OSBPL1A: variants seen among roughly 807,000 people sequenced by gnomAD.
The protein encoded by OSBPL1A is oxysterol-binding protein-related protein 1.
In OSBPL1A, 80 loss-of-function variants were observed where a neutral mutation model predicts 137.1. The observed-to-expected ratio is 0.58, with a 90% CI of 0.49 to 0.70. The LOEUF (loss-of-function observed/expected upper bound fraction) is 0.70. OSBPL1A is among the 30% of genes least tolerant of loss of function. The pLI is 0.00. For synonymous variants in OSBPL1A, 365 were observed against 389.7 expected (o/e 0.94, Z 0.75); for missense variants, 970 against 1,129.4 (o/e 0.86, Z 2.02).
chr18:24,225,018 G>A (rs763858945), intron 17 of OSBPL1A, 24 bp downstream of exon 17: 1 of 1,613,048 alleles, frequency 6.2e-7, no homozygotes, highest in African/African-American at 1.3e-5. Flanking sequence ...ACGCAGCAGT[G>A]ACAACTGTCA....
At chr18:24,325,094 A>AG (rs2090949376) in intron 7 of OSBPL1A, among the ~76,000 whole-genome samples, 1 of 142,096 alleles carries the variant, frequency 7.0e-6, no homozygotes, top group African/African-American at 2.7e-5. Flanking sequence ...TCGAAACAAA[A>AG]AAAAGAAAGA....
Position 24,377,541 on chromosome 18 carries a change from T to G in OSBPL1A, c.-2-6A>C. The G allele has an allele frequency of 6.3e-7, 1 of 1,584,020 alleles. No individual in the cohort carries two copies. Among genetic ancestry groups the G allele is most frequent in the South Asian group, 1.2e-5 (1 of 85,164 alleles). ...CTCCGCTTCTGTGTTCATTTCTAAATTAAGAAAATAATAACATTGCTATTA... is the reference window on the plus strand; with the variant it reads ...CTCCGCTTCTGTGTTCATTTCTAAAGTAAGAAAATAATAACATTGCTATTA... On this transcript the variant is annotated splice_polypyrimidine_tract_variant and splice_region_variant and intron_variant, in intron 1 of 27. Transcript: ENST00000319481.
chr18:24,196,970 C>T (rs1022507958), intron 17 of OSBPL1A, among the ~76,000 whole-genome samples: 6 of 152,184 alleles, frequency 3.9e-5, no homozygotes, highest in Non-Finnish European at 8.8e-5. Context: ...CCCATTTCCA[C>T]AGATCAGAAT....
rs372451344 is a variant in OSBPL1A at position 24,282,829 on chromosome 18, C to T, written c.1175-1881G>A. On this transcript the variant is annotated intron_variant, in intron 14 of 27. Transcript: ENST00000319481. ...AAAAGACACAAGATTACAGCTAGGG[C>T]GAGGCATGGTGGCTTATGTGTGTAA... 6.6e-5 allele frequency among the ~76,000 whole-genome samples: 10 copies of T among 152,170 alleles called. No individual in the cohort carries two copies. In the South Asian group the frequency reaches 1.0e-3, roughly 16 times the overall value.
chr18:24,303,808 C>T, intron 13 of OSBPL1A, 90 bp from the exon 14 acceptor site: 1 of 1,064,286 alleles, frequency 9.4e-7, no homozygotes, highest in Non-Finnish European at 1.4e-6. Context: ...ACTTTCAGTA[C>T]ATAGATTGAT....
chr18:24,274,300 A>C (rs1263484764), intron 15 of OSBPL1A, among the ~76,000 whole-genome samples: 1 of 152,112 alleles, frequency 6.6e-6, no homozygotes, highest in East Asian at 1.9e-4. Context: ...GGATGAACCA[A>C]AGCCAGTTCC....
intron 25 of OSBPL1A, among the ~76,000 whole-genome samples, chr18:24,167,077 A>T (rs528773503): frequency 6.6e-6 from 1 of 152,350 alleles, no homozygotes; most frequent in South Asian, 2.1e-4. Context: ...ACCGCTAAGT[A>T]GCTACTAAAG....
intron 1 of OSBPL1A, among the ~76,000 whole-genome samples, chr18:24,390,847 C>A (rs1167653817): frequency 6.6e-6 from 1 of 151,764 alleles, no homozygotes; most frequent in African/African-American, 2.4e-5. Context: ...CGGCTGTAAT[C>A]GCGGCACTTT....
rs537549444 is a variant in OSBPL1A at position 24,376,426 on chromosome 18, T to C, written c.121+987A>G. Among the ~76,000 whole-genome samples the C allele has an allele frequency of 2.0e-5, 3 of 152,326 alleles. No individual in the cohort carries two copies. The East Asian group carries it at 5.8e-4, about 29-fold the overall frequency. ...GTGTGTTTATAAACCTTGAGCTAGA[T>C]ACAGAGTGCCGATTGGTGTATTTAC... On this transcript the variant is annotated intron_variant, in intron 2 of 27. Transcript: ENST00000319481.
At chr18:24,332,184 T>C (rs886910219) in intron 7 of OSBPL1A, among the ~76,000 whole-genome samples, 6 of 151,852 alleles carry the variant, frequency 4.0e-5, no homozygotes, top group Non-Finnish European at 8.8e-5. Flanking sequence ...GAGACCAGCC[T>C]GGCCAACATG....
chr18:24,170,585 G>T, intron 23 of OSBPL1A, 132 bp from the exon 24 acceptor site: 1 of 925,764 alleles, frequency 1.1e-6, no homozygotes, highest in Non-Finnish European at 1.7e-6. Context: ...TCCAAGAGCA[G>T]ATGAGATCAG....
intron 2 of OSBPL1A, among the ~76,000 whole-genome samples, chr18:24,374,964 C>G (rs1480549896): frequency 6.6e-6 from 1 of 152,086 alleles, no homozygotes; most frequent in Non-Finnish European, 1.5e-5. Flanking sequence ...TACACTCAAA[C>G]ACCAAGCTAG....
At chr18:24,279,439 T>A (rs1337406813) in intron 15 of OSBPL1A, among the ~76,000 whole-genome samples, 2 of 151,362 alleles carry the variant, frequency 1.3e-5, no homozygotes, top group African/African-American at 4.9e-5. Flanking sequence ...AAAAAAAAAA[T>A]TGTATATGAA....
At chr18:24,389,305 GGAGAT>G (rs1907163079) in intron 1 of OSBPL1A, among the ~76,000 whole-genome samples, 1 of 152,170 alleles carries the variant, frequency 6.6e-6, no homozygotes, top group South Asian at 2.1e-4. Context: ...TCAAAAATCA[GGAGAT>G]AAGAGACCAT....
intron 16 of OSBPL1A, among the ~76,000 whole-genome samples, chr18:24,233,191 T>G (rs146287770): frequency 1.3e-5 from 2 of 152,212 alleles, no homozygotes; most frequent in African/African-American, 4.8e-5. Context: ...TAACCAGTAA[T>G]AAGTGTTTCA....
At chr18:24,241,048 AGTGTT>A (rs1253454156) in intron 15 of OSBPL1A, among the ~76,000 whole-genome samples, 3 of 152,194 alleles carry the variant, frequency 2.0e-5, no homozygotes. Flanking sequence ...TTTAATAAAT[AGTGTT>A]GGGAAAACTG....
intron 5 of OSBPL1A, among the ~76,000 whole-genome samples, chr18:24,337,570 CA>C (rs1225881914): frequency 0.36 from 30,542 of 84,640 alleles, 3,492 homozygotes; most frequent in African/African-American, 0.49. Flanking sequence ...AACTCTGTCT[CA>C]AAAAAAAAAA....
chr18:24,339,896 T>C (rs754853870), intron 5 of OSBPL1A, among the ~76,000 whole-genome samples: 4 of 152,354 alleles, frequency 2.6e-5, no homozygotes, highest in East Asian at 3.9e-4. Flanking sequence ...TTTTAAACTA[T>C]AGAATGAGTG....
intron 4 of OSBPL1A, among the ~76,000 whole-genome samples, chr18:24,363,600 C>T (rs73394381): frequency 0.041 from 6,250 of 151,768 alleles, 431 homozygotes; most frequent in African/African-American, 0.14. Flanking sequence ...GAGTATGCCA[C>T]CACATCCAGC....
Sources: gnomAD v4.1 joint callset for allele counts (sites outside exome capture counted in the v4.1 genomes callset) on GRCh38, gnomAD v4.1.1 for gene constraint, MANE v1.5 for transcripts, NCBI Gene and HGNC (gene_info 2026-07-23, HGNC 2026-07-21) for gene names.